SFXN5: variants seen among roughly 807,000 people sequenced by gnomAD.
The protein encoded by SFXN5 is sideroflexin 5.
SFXN5 carries 43 observed loss-of-function variants against 50.2 expected under a neutral mutation model. The ratio of observed to expected loss-of-function variants is 0.86; its 90% confidence interval spans 0.67 to 1.11. The LOEUF is 1.11. Among genes scored for constraint, SFXN5 ranks in the 50% least tolerant of loss-of-function variants. SFXN5 has a pLI of 0.00. For missense variants in SFXN5, 463 were observed against 454.1 expected (o/e 1.02, Z -0.18); for synonymous variants, 203 against 185.8 (o/e 1.09, Z -0.75).
At chr2:72,975,652 A>G (rs967571726) in intron 10 of SFXN5, among the ~76,000 whole-genome samples, 13 of 152,258 alleles carry the variant, frequency 8.5e-5, no homozygotes. Flanking sequence ...ACATGTGTGA[A>G]TGCAGCCATG....
chr2:73,046,456 A>G (rs1204005052), intron 2 of SFXN5, among the ~76,000 whole-genome samples: 1 of 151,950 alleles, frequency 6.6e-6, no homozygotes, highest in African/African-American at 2.4e-5. Context: ...TGTCCAGGAA[A>G]GCAAAAGATA....
At chr2:73,024,371 G>A (rs72920431) in intron 3 of SFXN5, among the ~76,000 whole-genome samples, 9,710 of 152,174 alleles carry the variant, frequency 0.064, 858 homozygotes, top group African/African-American at 0.2. Context: ...TTACACTGTC[G>A]GGGGGCCAGG....
At chr2:73,070,304 A>T (rs924035927) in intron 1 of SFXN5, among the ~76,000 whole-genome samples, 3 of 152,200 alleles carry the variant, frequency 2.0e-5, no homozygotes, top group African/African-American at 7.2e-5. Context: ...TTTAAAAGGA[A>T]TTAAAGTCCT....
chr2:72,954,519 C>T (rs1416759558), intron 13 of SFXN5, among the ~76,000 whole-genome samples: 1 of 152,290 alleles, frequency 6.6e-6, no homozygotes, highest in East Asian at 1.9e-4. Flanking sequence ...GGGGCCCCTG[C>T]AACAGCTGAG....
rs1289040263 is a variant in SFXN5, at chr2:73,055,686, G to A, written c.171+2842C>T. Among the ~76,000 whole-genome samples the A allele has an allele frequency of 2.0e-5, 3 of 148,514 alleles. No homozygotes were observed. The East Asian group carries it at 6.0e-4, about 30-fold the overall frequency. On this transcript the variant is annotated intron_variant, in intron 2 of 13. Coordinates refer to ENST00000272433, the MANE Select transcript of SFXN5 (RefSeq NM_144579.3). ...GATCTCAGCACAATGGCACGATCTC[G>A]CCTCACTGCAAGCTCCGCCTCCCAA... is the stretch of plus-strand genomic sequence containing the variant.
intron 1 of SFXN5, 45 bp from the exon 2 acceptor site, chr2:73,058,641 C>G (rs370292865): frequency 1.7e-4 from 266 of 1,573,118 alleles, no homozygotes; most frequent in Non-Finnish European, 1.9e-4. Context: ...TCAGCTGCTG[C>G]ACACCCTTCT....
intron 10 of SFXN5, among the ~76,000 whole-genome samples, chr2:72,987,999 G>A (rs370943368): frequency 2.6e-5 from 4 of 152,242 alleles, no homozygotes; most frequent in African/African-American, 4.8e-5. Flanking sequence ...CACAGGATCC[G>A]CTGCATTCTG....
Position 73,025,884 on chromosome 2 carries a change from A to C in SFXN5, c.250-2670T>G, listed in dbSNP as rs140967962. ...TATTCTCCAGAGAAGCTAAATCACA[A>C]CAGCCCAGACATGGTCACAGGCACA... is the stretch of plus-strand genomic sequence containing the variant. On this transcript the variant is annotated intron_variant, in intron 3 of 13. Coordinates refer to ENST00000272433, the MANE Select transcript of SFXN5 (RefSeq NM_144579.3). 1.2e-3 allele frequency among the ~76,000 whole-genome samples: 190 copies of C among 152,312 alleles called. 1 individual carries two copies. Among genetic ancestry groups the C allele is most frequent in the African/African-American group, 4.2e-3 (175 of 41,578 alleles).
chr2:72,968,218 C>T (rs933593419), intron 12 of SFXN5, among the ~76,000 whole-genome samples: 2 of 151,944 alleles, frequency 1.3e-5, no homozygotes, highest in African/African-American at 2.4e-5. Flanking sequence ...TGGTATCCCT[C>T]GTGGCACCTA....
At chr2:72,988,232 A>C in intron 10 of SFXN5, 26 bp downstream of exon 10, 1 of 1,603,994 alleles carries the variant, frequency 6.2e-7, no homozygotes, top group Non-Finnish European at 8.5e-7. Context: ...CCCACAGCAC[A>C]CATCTATGTG....
intron 10 of SFXN5, among the ~76,000 whole-genome samples, chr2:72,979,451 T>A (rs1199212206): frequency 6.6e-6 from 1 of 152,032 alleles, no homozygotes; most frequent in African/African-American, 2.4e-5. Flanking sequence ...CTGGTCAACA[T>A]GGCGAAACCC....
chr2:73,047,128 G>C (rs1262681290), intron 2 of SFXN5, among the ~76,000 whole-genome samples: 1 of 146,608 alleles, frequency 6.8e-6, no homozygotes, highest in Non-Finnish European at 1.5e-5. Context: ...AGGAGGCTGA[G>C]GCAGAGAATT....
At chr2:72,985,820 G>A (rs1671851933) in intron 10 of SFXN5, among the ~76,000 whole-genome samples, 1 of 152,214 alleles carries the variant, frequency 6.6e-6, no homozygotes, top group Non-Finnish European at 1.5e-5. Flanking sequence ...TTACACTGGA[G>A]TCTGAAGAGG....
chr2:73,001,486 C>T (rs757441600), intron 7 of SFXN5, 39 bp downstream of exon 7: 3 of 1,610,430 alleles, frequency 1.9e-6, no homozygotes, highest in East Asian at 2.2e-5. Context: ...CCTGTGTGGG[C>T]CCTTCCTTCA....
intron 9 of SFXN5, among the ~76,000 whole-genome samples, chr2:72,988,744 C>T (rs1463375156): frequency 2.6e-5 from 4 of 152,168 alleles, no homozygotes; most frequent in Admixed American, 6.5e-5. Flanking sequence ...GGCCTCATTC[C>T]CACCCCAGCC....
At chr2:73,060,882 T>C (rs1682731792) in intron 1 of SFXN5, among the ~76,000 whole-genome samples, 1 of 151,980 alleles carries the variant, frequency 6.6e-6, no homozygotes, top group Non-Finnish European at 1.5e-5. Context: ...TTTGTATTTT[T>C]AGTTGAGACA....
chr2:72,968,625 C>T, intron 11 of SFXN5, 92 bp from the exon 12 acceptor site: 5 of 1,183,324 alleles, frequency 4.2e-6, no homozygotes, highest in African/African-American at 3.0e-5. Flanking sequence ...GCCACCACAA[C>T]GCATGTGTGT....
At chr2:73,047,368 T>C (rs1680640567) in intron 2 of SFXN5, among the ~76,000 whole-genome samples, 1 of 145,178 alleles carries the variant, frequency 6.9e-6, no homozygotes. Flanking sequence ...TATATGTATA[T>C]ATATGTATAT....
chr2:72,951,986 C>T (rs532854770), intron 13 of SFXN5, among the ~76,000 whole-genome samples: 10 of 152,284 alleles, frequency 6.6e-5, no homozygotes, highest in Admixed American at 2.6e-4. Context: ...ACATCCAGGC[C>T]CCACCTTTGG....
Sources: allele counts gnomAD v4.1 joint callset (sites outside exome capture counted in the v4.1 genomes callset), GRCh38; gene constraint gnomAD v4.1.1; transcripts MANE v1.5; gene names NCBI Gene and HGNC (gene_info 2026-07-23, HGNC 2026-07-21).